Variants in RBMS3 observed in about 807,000 individuals in gnomAD.
RBMS3 encodes the protein RNA binding motif single stranded interacting protein 3.
RBMS3 carries 27 observed loss-of-function variants against 66.8 expected under a neutral mutation model. That is an observed-to-expected ratio of 0.40 (90% confidence interval 0.30 to 0.56). The LOEUF is 0.56. Among genes scored for constraint, RBMS3 ranks in the 20% least tolerant of loss-of-function variants. The probability of loss-of-function intolerance (pLI) is 0.40; values close to 1 mark genes in which losing one functional copy is unlikely to be tolerated. For synonymous variants in RBMS3, 188 were observed against 183.0 expected (o/e 1.03, Z -0.22); for missense variants, 513 against 549.5 (o/e 0.93, Z 0.66).
At chr3:29,644,484 C>T (rs1440422933) in intron 4 of RBMS3, among the ~76,000 whole-genome samples, 1 of 152,134 alleles carries the variant, frequency 6.6e-6, no homozygotes, top group Non-Finnish European at 1.5e-5. Flanking sequence ...GCCTGTGGAC[C>T]TAGAGCCTAA....
chr3:29,738,937 G>A (rs917668812), intron 4 of RBMS3, among the ~76,000 whole-genome samples: 1 of 151,994 alleles, frequency 6.6e-6, no homozygotes, highest in Non-Finnish European at 1.5e-5. Context: ...GATAAGTTAG[G>A]GATCAATTTT....
intron 6 of RBMS3, among the ~76,000 whole-genome samples, chr3:29,795,020 A>G (rs969647049): frequency 2.6e-5 from 4 of 152,176 alleles, no homozygotes; most frequent in Non-Finnish European, 4.4e-5. Context: ...GGGCATTTTT[A>G]ATTTTGTTAT....
chr3:29,674,870 C>A (rs1283820918), intron 4 of RBMS3, among the ~76,000 whole-genome samples: 1 of 152,008 alleles, frequency 6.6e-6, no homozygotes, highest in Non-Finnish European at 1.5e-5. Flanking sequence ...ATCAAGCAAC[C>A]AATTACTTTC....
chr3:29,989,587 A>G (rs1321350121), intron 13 of RBMS3, among the ~76,000 whole-genome samples: 2 of 152,164 alleles, frequency 1.3e-5, no homozygotes, highest in Admixed American at 6.5e-5. Context: ...ATCTTCTAAA[A>G]TGTTTCCTGG....
intron 3 of RBMS3, among the ~76,000 whole-genome samples, chr3:29,562,451 T>C (rs1231404022): frequency 1.3e-5 from 2 of 152,178 alleles, no homozygotes; most frequent in African/African-American, 4.8e-5. Context: ...AGATCACATC[T>C]GTACACTGGC....
chr3:29,709,073 C>A (rs1433199841), intron 4 of RBMS3, among the ~76,000 whole-genome samples: 3 of 152,204 alleles, frequency 2.0e-5, no homozygotes, highest in African/African-American at 7.2e-5. Flanking sequence ...TGCGTCACAG[C>A]TTGCGTTCTC....
Position 30,009,478 on chromosome 3 carries a change from T to C in RBMS3, c.*5616T>C, listed in dbSNP as rs945142871. On this transcript the variant is annotated 3_prime_UTR_variant, in exon 15 of 15. Transcript: ENST00000383767. ...CTTATCTACCACAAATAATTGAGAG[T>C]TGGCTAAATTCTTGCAGAATATATG... 2.6e-5 allele frequency: 4 copies of C among 152,054 alleles called. No homozygotes were observed. Among genetic ancestry groups the C allele is most frequent in the Non-Finnish European group, 5.9e-5 (4 of 67,972 alleles). 9.4% of individuals were successfully genotyped at this position (152,054 alleles called of 1,614,324 possible). A position where few individuals can be genotyped will look rare whatever the true frequency, so the allele number is the denominator to read the frequency against.
intron 1 of RBMS3, among the ~76,000 whole-genome samples, chr3:29,400,652 C>T (rs1185089305): frequency 6.6e-6 from 1 of 151,772 alleles, no homozygotes; most frequent in African/African-American, 2.4e-5. Flanking sequence ...GGGAAAAGGA[C>T]CTACTTATTC....
chr3:29,698,334 G>C, intron 4 of RBMS3: 2 of 985,324 alleles, frequency 2.0e-6, no homozygotes, highest in Non-Finnish European at 2.4e-6. Context: ...GCTTTTATTG[G>C]AATAATAAAA....
intron 1 of RBMS3, among the ~76,000 whole-genome samples, chr3:29,293,282 T>C (rs1209389378): frequency 6.6e-6 from 1 of 151,716 alleles, no homozygotes; most frequent in Non-Finnish European, 1.5e-5. Flanking sequence ...TTGTTCTGTG[T>C]GGAAAGAATC....
At chr3:29,720,226 A>T (rs1407588998) in intron 4 of RBMS3, among the ~76,000 whole-genome samples, 4 of 152,082 alleles carry the variant, frequency 2.6e-5, no homozygotes, top group Non-Finnish European at 5.9e-5. Context: ...GATTTTATTA[A>T]TTTTGTAGTA....
chr3:29,469,751 A>C (rs951223486), intron 2 of RBMS3, among the ~76,000 whole-genome samples: 1 of 151,454 alleles, frequency 6.6e-6, no homozygotes, highest in African/African-American at 2.4e-5. Flanking sequence ...TACAGAACAC[A>C]GGGAAGCAGA....
At chr3:29,990,253 G>A (rs145258619) in intron 13 of RBMS3, among the ~76,000 whole-genome samples, 2,148 of 144,320 alleles carry the variant, frequency 0.015, 20 homozygotes, top group Non-Finnish European at 0.024. Flanking sequence ...GAATTTCAGC[G>A]ACAGAATTAA....
intron 2 of RBMS3, among the ~76,000 whole-genome samples, chr3:29,482,117 T>G (rs780156994): frequency 1.3e-5 from 2 of 152,166 alleles, no homozygotes; most frequent in African/African-American, 2.4e-5. Context: ...TAAAGAATGT[T>G]AAATATGCTG....
chr3:29,976,130 T>C (rs1010358600), intron 12 of RBMS3, among the ~76,000 whole-genome samples: 7 of 152,024 alleles, frequency 4.6e-5, no homozygotes, highest in African/African-American at 4.8e-5. Context: ...TGTTGACTTA[T>C]AGAGATACAA....
In RBMS3 at chr3:29,817,115, T is replaced by A. The variant is rs1192973935; in HGVS notation, c.638-51743T>A. Among the ~76,000 whole-genome samples the A allele has an allele frequency of 2.0e-5, 3 of 151,880 alleles. No homozygotes were observed. The South Asian group carries it at 6.2e-4, about 32-fold the overall frequency. On this transcript the variant is annotated intron_variant, in intron 6 of 14. Transcript: ENST00000383767. ...CAAAAAATAAATAAGGAAAAAAGTA[T>A]ATATAAAATGCCTCTAATTAGTTAT...
intron 6 of RBMS3, among the ~76,000 whole-genome samples, chr3:29,848,045 G>A (rs1470783694): frequency 6.6e-6 from 1 of 152,130 alleles, no homozygotes. Flanking sequence ...ACAAAATAGA[G>A]CCAACTCTTT....
chr3:29,863,302 G>A (rs1320509391), intron 6 of RBMS3, among the ~76,000 whole-genome samples: 1 of 150,698 alleles, frequency 6.6e-6, no homozygotes, highest in Non-Finnish European at 1.5e-5. Flanking sequence ...CACCAACATG[G>A]CACATGTATA....
intron 3 of RBMS3, among the ~76,000 whole-genome samples, chr3:29,510,236 A>T (rs2044344456): frequency 6.6e-6 from 1 of 152,182 alleles, no homozygotes; most frequent in African/African-American, 2.4e-5. Context: ...CACTGATATC[A>T]TAGATCAACC....
Sources: gnomAD v4.1 joint callset for allele counts (sites outside exome capture counted in the v4.1 genomes callset) on GRCh38, gnomAD v4.1.1 for gene constraint, MANE v1.5 for transcripts, NCBI Gene and HGNC (gene_info 2026-07-23, HGNC 2026-07-21) for gene names.